KAT6B: variants seen among roughly 807,000 people sequenced by gnomAD.
The protein encoded by KAT6B is lysine acetyltransferase 6B.
KAT6B carries 10 observed loss-of-function variants against 187.5 expected under a neutral mutation model. That is an observed-to-expected ratio of 0.05 (90% CI 0.03 to 0.09). The LOEUF is 0.09. KAT6B is among the 10% of genes least tolerant of loss of function. The probability of loss-of-function intolerance (pLI) is 1.00; values close to 1 mark genes in which losing one functional copy is unlikely to be tolerated. For missense variants in KAT6B, 1,952 were observed against 2,558.9 expected (o/e 0.76, Z 5.12); for synonymous variants, 861 against 926.8 (o/e 0.93, Z 1.29).
In KAT6B at chr10:75,029,013, A is replaced by G. The variant is rs760783917; in HGVS notation, c.4189A>G (p.Thr1397Ala). ...SQEKEEPEIS[T>A]EKEDSARLDD... ...AGAAAAAGAGGAACCAGAAATCTCCACGGAAAAAGAAGACTCTGCACGTTT... is the reference window on the plus strand; with the variant it reads ...AGAAAAAGAGGAACCAGAAATCTCCGCGGAAAAAGAAGACTCTGCACGTTT... Residue 1397 changes from threonine to alanine, a missense_variant, in exon 18 of 18, where the codon ACG becomes GCG. Physicochemically the swap from Thr to Ala is moderately conservative, Grantham distance 58. Around this residue, in one of 9 missense-constraint regions of KAT6B, gnomAD observed 758 missense variants for 891.4 expected, o/e 0.85. Coordinates refer to ENST00000287239, the MANE Select transcript of KAT6B (RefSeq NM_012330.4). This position sits in a 1 kb window ranked among gnomAD's most constrained non-coding sequence, Gnocchi z 6.2. 11 of 1,614,096 alleles carry G rather than the reference A, an allele frequency of 6.8e-6. No homozygotes were observed. The highest frequency in any genetic ancestry group is 8.5e-6 in the Non-Finnish European group (10 of 1,180,016).
intron 3 of KAT6B, among the ~76,000 whole-genome samples, chr10:74,880,818 G>A (rs1284033341): frequency 6.6e-6 from 1 of 152,070 alleles, no homozygotes; most frequent in Non-Finnish European, 1.5e-5. Flanking sequence ...GTTTCACCAT[G>A]TTGGCCAGGC....
chr10:74,989,575 T>C (rs993390383), intron 13 of KAT6B, among the ~76,000 whole-genome samples: 1 of 152,244 alleles, frequency 6.6e-6, no homozygotes, highest in Non-Finnish European at 1.5e-5. Flanking sequence ...TGGGCCTTGC[T>C]AGTAGAAATA....
chr10:74,986,040 A>T (rs563225438), intron 12 of KAT6B, among the ~76,000 whole-genome samples: 1 of 152,164 alleles, frequency 6.6e-6, no homozygotes, highest in East Asian at 1.9e-4. Context: ...GGGAGACTCC[A>T]TCTCAAAAAC....
At chr10:74,911,272 C>CT (rs766011853) in intron 3 of KAT6B, among the ~76,000 whole-genome samples, 4,306 of 137,602 alleles carry the variant, frequency 0.031, 151 homozygotes, top group African/African-American at 0.088. Context: ...CTTTCTTTTT[C>CT]TTTTTTTTTT....
chr10:74,931,414 A>G (rs1328085516), intron 3 of KAT6B, among the ~76,000 whole-genome samples: 1 of 152,136 alleles, frequency 6.6e-6, no homozygotes, highest in East Asian at 1.9e-4. Flanking sequence ...TCACCTCCTT[A>G]GAGAAGCCCT....
intron 13 of KAT6B, among the ~76,000 whole-genome samples, chr10:74,998,241 G>A (rs1012934687): frequency 7.3e-5 from 11 of 151,704 alleles, no homozygotes; most frequent in Admixed American, 3.3e-4. Flanking sequence ...GTGAGCCACC[G>A]TGCCCAGCCT....
intron 3 of KAT6B, among the ~76,000 whole-genome samples, chr10:74,871,521 T>C (rs1203057104): frequency 6.6e-6 from 1 of 152,090 alleles, no homozygotes; most frequent in Non-Finnish European, 1.5e-5. Context: ...ACTTAAGACA[T>C]GTTTGATTCA....
intron 3 of KAT6B, among the ~76,000 whole-genome samples, chr10:74,930,853 T>C (rs1011158544): frequency 2.6e-5 from 4 of 152,206 alleles, no homozygotes; most frequent in African/African-American, 9.7e-5. Flanking sequence ...TTCTAGATTG[T>C]AATTTCCCCC....
intron 12 of KAT6B, among the ~76,000 whole-genome samples, chr10:74,987,805 A>G (rs186150612): frequency 2.8e-4 from 43 of 152,346 alleles, no homozygotes; most frequent in African/African-American, 9.4e-4. Context: ...GAATGGTATC[A>G]AGGATGAATT....
intron 3 of KAT6B, among the ~76,000 whole-genome samples, chr10:74,889,957 T>C (rs1845537221): frequency 1.3e-5 from 2 of 152,006 alleles, no homozygotes; most frequent in African/African-American, 4.8e-5. Flanking sequence ...GCCAGGACTG[T>C]GGGAGGCAGA....
At chr10:74,860,312 T>C (rs1226767453) in intron 3 of KAT6B, among the ~76,000 whole-genome samples, 2 of 152,170 alleles carry the variant, frequency 1.3e-5, no homozygotes, top group African/African-American at 4.8e-5. Flanking sequence ...AAATGTGCAT[T>C]ATAAGCAGTT....
At position 74,893,372 on chromosome 10, in the gene KAT6B, GACTAAAT is replaced by G. The variant is rs1173555759; in HGVS notation, c.621+49896_621+49902del. ...ATTGGATAAAATGAATTTGGATTTAGACTAAATAGACTTTTTAATAACTGAAAGTTTG... is the reference window on the plus strand; with the variant it reads ...ATTGGATAAAATGAATTTGGATTTAGAGACTTTTTAATAACTGAAAGTTTG... On this transcript the variant is annotated intron_variant, in intron 3 of 17. Transcript: ENST00000287239. Among the ~76,000 whole-genome samples, 24 of 152,170 alleles carry G rather than the reference GACTAAAT, an allele frequency of 1.6e-4. No individual in the cohort carries two copies. The South Asian group carries it at 5.0e-3, about 32-fold the overall frequency.
At chr10:75,000,514 G>A (rs1016648082) in intron 13 of KAT6B, among the ~76,000 whole-genome samples, 2 of 152,106 alleles carry the variant, frequency 1.3e-5, no homozygotes, top group Non-Finnish European at 2.9e-5. Context: ...GCAGACGGAC[G>A]TGTAACTAAC....
At chr10:74,964,902 C>T (rs1841352561) in intron 4 of KAT6B, among the ~76,000 whole-genome samples, 1 of 152,192 alleles carries the variant, frequency 6.6e-6, no homozygotes, top group Non-Finnish European at 1.5e-5. Context: ...ATCTTGAATG[C>T]TAAATTTATC....
chr10:74,880,930 C>CT (rs111285977), intron 3 of KAT6B, among the ~76,000 whole-genome samples: 35,029 of 144,402 alleles, frequency 0.24, 7,518 homozygotes, highest in African/African-American at 0.57. Flanking sequence ...CTTACTCTCT[C>CT]TTTTTTTTTT....
In KAT6B at chr10:74,842,708, G is replaced by A. The variant is rs1270216604; in HGVS notation, c.-150G>A. The A allele has an allele frequency of 2.3e-6, 2 of 862,274 alleles. No homozygotes were observed. The highest frequency in any genetic ancestry group is 3.8e-6 in the Non-Finnish European group (2 of 527,284). 53.4% of individuals were successfully genotyped at this position (862,274 alleles called of 1,614,324 possible). ...GTTTGTCTGCTTTTGAATCTCTTAAGGATGGATGTTTGTAAGATGTTGCTT... is the reference window on the plus strand; with the variant it reads ...GTTTGTCTGCTTTTGAATCTCTTAAAGATGGATGTTTGTAAGATGTTGCTT... On this transcript the variant is annotated 5_prime_UTR_variant, in exon 3 of 18. Transcript: ENST00000287239.
chr10:74,906,793 C>T (rs1464558940), intron 3 of KAT6B, among the ~76,000 whole-genome samples: 1 of 152,176 alleles, frequency 6.6e-6, no homozygotes, highest in Non-Finnish European at 1.5e-5. Context: ...AGACCCCTTT[C>T]CGGCTAAATT....
intron 3 of KAT6B, among the ~76,000 whole-genome samples, chr10:74,862,442 A>G (rs1843245588): frequency 6.6e-6 from 1 of 152,160 alleles, no homozygotes; most frequent in Admixed American, 6.6e-5. Flanking sequence ...GGAGCTTTTA[A>G]ACGTTAGATG....
Position 75,030,479 on chromosome 10 carries a change from T to C in KAT6B, c.5655T>C (p.Thr1885=). ...CCATGACCCCACCCCCCAACCTGAC[T>C]CCTCCTCCAATGAATCTGCCGCCGC... ...QATMTPPPNL[T]PPPMNLPPPL... is the part of the protein sequence containing the mutation. The change falls in exon 18 of 18, where the codon ACT becomes ACC. Residue 1885 remains threonine, a synonymous_variant. Transcript: ENST00000287239. This position sits in a 1 kb window ranked among gnomAD's most constrained non-coding sequence, Gnocchi z 4.8. 6.2e-7 allele frequency: 1 copy of C among 1,612,450 alleles called. No homozygotes were observed. Among genetic ancestry groups the C allele is most frequent in the Non-Finnish European group, 8.5e-7 (1 of 1,178,764 alleles).
Sources: allele counts gnomAD v4.1 joint callset (sites outside exome capture counted in the v4.1 genomes callset), GRCh38; gene constraint gnomAD v4.1.1; regional missense constraint gnomAD v4.1.1; non-coding constraint Gnocchi (gnomAD v3.1); transcripts MANE v1.5; gene names NCBI Gene and HGNC (gene_info 2026-07-23, HGNC 2026-07-21).